ARMC8: variants seen among roughly 807,000 people sequenced by gnomAD.
The protein encoded by ARMC8 is armadillo repeat containing 8, also known as armadillo repeat-containing protein 8.
ARMC8 carries 20 observed loss-of-function variants against 99.3 expected under a neutral mutation model. The ratio of observed to expected loss-of-function variants is 0.20; its 90% CI spans 0.14 to 0.29. The LOEUF (loss-of-function observed/expected upper bound fraction) is 0.29. ARMC8 is among the 10% of genes least tolerant of loss of function. The probability of loss-of-function intolerance (pLI) is 1.00; values close to 1 mark genes in which losing one functional copy is unlikely to be tolerated. For synonymous variants in ARMC8, 263 were observed against 278.3 expected, an observed-to-expected ratio of 0.95 and a Z score of 0.55; for missense variants, 569 against 809.5, an observed-to-expected ratio of 0.70 and a Z score of 3.60.
intron 1 of ARMC8, among the ~76,000 whole-genome samples, chr3:138,195,760 C>G (rs1026954295): frequency 6.6e-6 from 1 of 151,450 alleles, no homozygotes; most frequent in African/African-American, 2.4e-5. Flanking sequence ...AACAGTAGTG[C>G]TATGATCCCT....
chr3:138,188,328 C>T lies in ARMC8; in HGVS notation c.45+729C>T. 4 of 1,249,810 alleles carry T rather than the reference C, an allele frequency of 3.2e-6. No homozygotes were observed. The South Asian group carries it at 6.9e-5, about 22-fold the overall frequency. 77.4% of individuals were successfully genotyped at this position (1,249,810 alleles called of 1,614,324 possible). On this transcript the variant is annotated intron_variant, in intron 1 of 21. Transcript: ENST00000469044. ...GGGGAAAAGGGGGTGAGATTTATTT[C>T]CCCATTGTTGAAAGAAGGGAACGTA...
chr3:138,224,352 G>C (rs1282240155), intron 5 of ARMC8, among the ~76,000 whole-genome samples: 1 of 152,224 alleles, frequency 6.6e-6, no homozygotes, highest in South Asian at 2.1e-4. Flanking sequence ...TGCAGTGGAA[G>C]GATTGCTTGA....
At chr3:138,250,959 G>A (rs1339381312) in intron 12 of ARMC8, among the ~76,000 whole-genome samples, 1 of 151,868 alleles carries the variant, frequency 6.6e-6, no homozygotes, top group African/African-American at 2.4e-5. Context: ...CCAGCTTGGG[G>A]CAACATAGCG....
chr3:138,237,712 A>G (rs933540483), intron 9 of ARMC8, 140 bp downstream of exon 9: 2 of 640,212 alleles, frequency 3.1e-6, no homozygotes, highest in Non-Finnish European at 2.6e-6. Context: ...TCCATCCCAC[A>G]TTTTCTTAAA....
At chr3:138,292,687 A>G (rs1184748467) in intron 21 of ARMC8, among the ~76,000 whole-genome samples, 4 of 152,178 alleles carry the variant, frequency 2.6e-5, no homozygotes, top group Admixed American at 6.5e-5. Context: ...TTGTTTGGGT[A>G]TGCCAGCGTT....
chr3:138,228,878 T>C, intron 5 of ARMC8, 40 bp from the exon 6 acceptor site: 1 of 1,201,758 alleles, frequency 8.3e-7, no homozygotes, highest in Non-Finnish European at 1.2e-6. Context: ...AATGTACTCA[T>C]GGTGCCTGAG....
At position 138,252,539 on chromosome 3, in the gene ARMC8, C is replaced by T. The variant is rs189030033; in HGVS notation, c.1134+7356C>T. 1.8e-3 allele frequency among the ~76,000 whole-genome samples: 267 copies of T among 151,262 alleles called. 1 individual carries two copies. The highest frequency in any genetic ancestry group is 5.8e-3 in the African/African-American group (237 of 41,126). ...CACGATCTCGGCTCACTGCAGCCTC[C>T]GTCTCCTGGGTTCAAGCGATTCTCC... is the stretch of plus-strand genomic sequence containing the variant. On this transcript the variant is annotated intron_variant, in intron 12 of 21. Coordinates refer to ENST00000469044, the MANE Select transcript of ARMC8 (RefSeq NM_001363941.2).
chr3:138,190,405 G>T (rs1263401268), intron 1 of ARMC8, among the ~76,000 whole-genome samples: 1 of 149,750 alleles, frequency 6.7e-6, no homozygotes, highest in Non-Finnish European at 1.5e-5. Flanking sequence ...TCCTGCCTCA[G>T]TCTCCTGAGT....
intron 12 of ARMC8, among the ~76,000 whole-genome samples, chr3:138,249,507 A>AT (rs1436524753): frequency 6.6e-6 from 1 of 151,878 alleles, no homozygotes; most frequent in Non-Finnish European, 1.5e-5. Context: ...TAGATGTATG[A>AT]TTTTTTTAAA....
At chr3:138,271,032 G>A (rs2048739924) in intron 16 of ARMC8, among the ~76,000 whole-genome samples, 1 of 152,124 alleles carries the variant, frequency 6.6e-6, no homozygotes, top group Non-Finnish European at 1.5e-5. Flanking sequence ...GAATTGTGAA[G>A]GTGAAGGCCT....
intron 9 of ARMC8, chr3:138,238,585 T>C (rs1184884247): frequency 6.6e-6 from 1 of 152,150 alleles, no homozygotes; most frequent in Non-Finnish European, 1.5e-5. Context: ...GTTTGTATCA[T>C]TTTTTGCTTT....
intron 10 of ARMC8, 37 bp from the exon 11 acceptor site, chr3:138,241,746 T>C: frequency 1.3e-6 from 2 of 1,594,528 alleles, no homozygotes; most frequent in Non-Finnish European, 1.7e-6. Context: ...CTTTTACCTT[T>C]ACCAAAAAGC....
chr3:138,265,549 C>T lies in ARMC8; in HGVS notation c.1299+1337C>T, dbSNP rs144109676. On this transcript the variant is annotated intron_variant, in intron 14 of 21. Coordinates refer to ENST00000469044, the MANE Select transcript of ARMC8 (RefSeq NM_001363941.2). ...GGCTTAAAGCTTTAGGTTTAGGAGGCGGGGGCATCAATGTGGCAGAAATAG... is the reference window on the plus strand; with the variant it reads ...GGCTTAAAGCTTTAGGTTTAGGAGGTGGGGGCATCAATGTGGCAGAAATAG... Among the ~76,000 whole-genome samples the T allele has an allele frequency of 3.9e-3, 592 of 152,106 alleles. 1 individual carries two copies. Among genetic ancestry groups the T allele is most frequent in the Non-Finnish European group, 6.2e-3 (425 of 68,004 alleles).
chr3:138,205,060 C>CTTTTTTTTTTTTTTTTTTT (rs71146118), intron 1 of ARMC8, among the ~76,000 whole-genome samples: 4 of 93,220 alleles, frequency 4.3e-5, no homozygotes, highest in African/African-American at 8.9e-5. Flanking sequence ...CTTTTCTTTT[C>CTTTTTTTTTTTTTTTTTTT]TTTTTTTTTT....
intron 12 of ARMC8, among the ~76,000 whole-genome samples, chr3:138,260,867 TCTA>T (rs1399500904): frequency 6.6e-6 from 1 of 152,190 alleles, no homozygotes; most frequent in Non-Finnish European, 1.5e-5. Context: ...CATCCGTACT[TCTA>T]CCACCACCAC....
At position 138,187,469 on chromosome 3, in the gene ARMC8, C is replaced by T. The variant is rs1316778064; in HGVS notation, c.-86C>T. On this transcript the variant is annotated 5_prime_UTR_variant, in exon 1 of 22. Transcript: ENST00000469044. ...CGTCTATCTGGCTGCCTTTAGGGAG[C>T]GGTGCCTAGCGTTGGCCAATAGTTG... 23 of 1,388,556 alleles carry T rather than the reference C, an allele frequency of 1.7e-5. No individual in the cohort carries two copies. Among genetic ancestry groups the T allele is most frequent in the Non-Finnish European group, 4.9e-6 (5 of 1,015,230 alleles). The allele number at this position is 1,388,556 out of a possible 1,614,324, so 86.0% of individuals were successfully genotyped here.
intron 2 of ARMC8, among the ~76,000 whole-genome samples, chr3:138,214,601 A>G (rs1441364900): frequency 6.6e-6 from 1 of 152,180 alleles, no homozygotes; most frequent in Non-Finnish European, 1.5e-5. Context: ...AATAATTGAA[A>G]ATAAGTATTC....
intron 12 of ARMC8, 90 bp downstream of exon 12, chr3:138,245,273 A>G (rs1160230968): frequency 1.9e-6 from 3 of 1,613,590 alleles, no homozygotes; most frequent in East Asian, 2.2e-5. Flanking sequence ...GAGCACTAAC[A>G]GTGACTGTTT....
rs776927872 is a variant in ARMC8 at position 138,244,982 on chromosome 3, C to T, written c.1039-106C>T. On this transcript the variant is annotated intron_variant, in intron 11 of 21. Transcript: ENST00000469044. ...AAATGTAGTTAATGACTGGGAAATT[C>T]ACTAAAATCTAAAAGTTGTAAACTT... is the stretch of plus-strand genomic sequence containing the variant. The T allele has an allele frequency of 2.0e-5, 27 of 1,360,594 alleles. 1 individual carries two copies. In the South Asian group the frequency reaches 3.9e-4, roughly 20 times the overall value. 84.3% of individuals were successfully genotyped at this position (1,360,594 alleles called of 1,614,324 possible).
Sources: gnomAD v4.1 joint callset for allele counts (sites outside exome capture counted in the v4.1 genomes callset) on GRCh38, gnomAD v4.1.1 for gene constraint, MANE v1.5 for transcripts, NCBI Gene and HGNC (gene_info 2026-07-23, HGNC 2026-07-21) for gene names.